Variants in ATAD2 observed in about 807,000 individuals in gnomAD.
ATAD2 encodes ATPase family AAA domain containing 2, also known as ATPase family AAA domain-containing protein 2.
ATAD2 carries 62 observed loss-of-function variants against 168.9 expected under a neutral mutation model. The observed-to-expected ratio is 0.37, with a 90% CI of 0.30 to 0.45. The LOEUF is 0.45. Among genes scored for constraint, ATAD2 ranks in the 20% least tolerant of loss-of-function variants. The pLI, the probability that ATAD2 is intolerant of heterozygous loss-of-function variation, is 1.00. For missense variants in ATAD2, 1,419 were observed against 1,667.8 expected (o/e 0.85, Z 2.60); for synonymous variants, 613 against 571.6 (o/e 1.07, Z -1.03).
intron 13 of ATAD2, among the ~76,000 whole-genome samples, chr8:123,350,160 T>A (rs1174798653): frequency 6.6e-6 from 1 of 152,208 alleles, no homozygotes; most frequent in African/African-American, 2.4e-5. Context: ...TAACAGAATT[T>A]TCATTACATT....
rs1456201178 is a variant in ATAD2 at position 123,333,958 on chromosome 8, A to T, written c.3398T>A (p.Leu1133His). ...YHVMPKQNST[L>H]VGDKRSDPEQ... The stretch of plus-strand genomic sequence containing the variant: ...TGGGTCTGATCTTTTATCACCAACA[A>T]GAGTGGAATTTTGCTTTGGCATCAC... The change falls in exon 24 of 28, where the codon CTT becomes CAT. Residue 1133 changes from leucine (L) to histidine (H), a missense_variant. By Grantham distance (99) the Leu-to-His change is moderately conservative. Transcript: ENST00000287394. 2.5e-6 allele frequency: 4 copies of T among 1,614,174 alleles called. No individual in the cohort carries two copies. Among genetic ancestry groups the T allele is most frequent in the Non-Finnish European group, 3.4e-6 (4 of 1,180,008 alleles).
rs182524680 is a variant in ATAD2 at position 123,412,190 on chromosome 8, T to C, written c.-2282+4058A>G. ...AGACATCAGGAGCCTGGGTAACAGA[T>C]ATTGCAGAGACACTATATCAGCTCT... On this transcript the variant is annotated intron_variant, in intron 1 of 28. Transcript: ENST00000521903. Among the ~76,000 whole-genome samples the C allele has an allele frequency of 1.9e-3, 282 of 152,308 alleles. 1 individual carries two copies. Among genetic ancestry groups the C allele is most frequent in the Non-Finnish European group, 2.0e-3 (135 of 68,034 alleles).
At chr8:123,364,554 C>T (rs1828916504) in intron 8 of ATAD2, among the ~76,000 whole-genome samples, 3 of 152,068 alleles carry the variant, frequency 2.0e-5, no homozygotes, top group African/African-American at 2.4e-5. Flanking sequence ...AATCCAACAA[C>T]GTATCAAAAA....
chr8:123,337,025 C>A (rs891295117), intron 21 of ATAD2, among the ~76,000 whole-genome samples: 1 of 133,744 alleles, frequency 7.5e-6, no homozygotes, highest in African/African-American at 2.9e-5. Context: ...CCAGCCTGGG[C>A]AACAGAGTGA....
intron 2 of ATAD2, among the ~76,000 whole-genome samples, chr8:123,372,918 A>C (rs977024270): frequency 2.2e-5 from 3 of 137,366 alleles, no homozygotes; most frequent in Non-Finnish European, 3.1e-5. Context: ...TTTGAGACGG[A>C]GTCTTGCTCT....
At chr8:123,372,709 A>T in intron 2 of ATAD2, 23 bp from the exon 3 acceptor site, 1 of 1,520,128 alleles carries the variant, frequency 6.6e-7, no homozygotes, top group Non-Finnish European at 8.9e-7. Flanking sequence ...AAATTAGATT[A>T]ATTCAAAATA....
intron 1 of ATAD2, among the ~76,000 whole-genome samples, chr8:123,390,223 C>G (rs1375189422): frequency 6.6e-6 from 1 of 151,860 alleles, no homozygotes; most frequent in Non-Finnish European, 1.5e-5. Context: ...CGGTGATATG[C>G]CTGCCTCGGC....
In ATAD2 at chr8:123,379,890, A is replaced by ATT. The variant is rs71895855; in HGVS notation, c.320+637_320+638dup. 7.6e-4 allele frequency among the ~76,000 whole-genome samples: 98 copies of ATT among 129,140 alleles called. 2 individuals carry two copies. The highest frequency in any genetic ancestry group is 1.5e-3 in the East Asian group (7 of 4,526). 84.7% of individuals were successfully genotyped at this position (129,140 alleles called of 152,430 possible). A position where few individuals can be genotyped will look rare whatever the true frequency, so the allele number is the denominator to read the frequency against. ...GCCACGTATTATTATTATTATTATTATTTTTTTTTTTTTGAGACTGAGTTT... is the reference window on the plus strand; with the variant it reads ...GCCACGTATTATTATTATTATTATTATTTTTTTTTTTTTTTGAGACTGAGTTT... On this transcript the variant is annotated intron_variant, in intron 2 of 27. Transcript: ENST00000287394.
At chr8:123,322,441 G>T (rs1225824874) in intron 27 of ATAD2, among the ~76,000 whole-genome samples, 1 of 152,192 alleles carries the variant, frequency 6.6e-6, no homozygotes, top group African/African-American at 2.4e-5. Flanking sequence ...GGCTGAAGTG[G>T]CTGGATGGCT....
At chr8:123,413,990 AG>A (rs1363021785) in intron 1 of ATAD2, among the ~76,000 whole-genome samples, 1 of 151,200 alleles carries the variant, frequency 6.6e-6, no homozygotes, top group Non-Finnish European at 1.5e-5. Context: ...CACCTCCACA[AG>A]AAAATACACA....
chr8:123,327,196 G>A (rs1045639901), intron 25 of ATAD2, among the ~76,000 whole-genome samples: 2 of 152,134 alleles, frequency 1.3e-5, no homozygotes, highest in African/African-American at 2.4e-5. Context: ...GAGCCACCAC[G>A]CCTGACCGTG....
chr8:123,371,163 A>C (rs186324689), intron 5 of ATAD2, 73 bp downstream of exon 5: 224 of 1,257,366 alleles, frequency 1.8e-4, no homozygotes, highest in Admixed American at 4.0e-4. Context: ...ATATTTAATG[A>C]AAAATGGATT....
rs1381707464 is a variant in ATAD2, at chr8:123,336,252, G to A, written c.3211+121C>T. ...CATTTTTACCATTTGTAAAATGGTT[G>A]TTGTGAGGATTAAATAGTATTTTGA... On this transcript the variant is annotated intron_variant, in intron 22 of 27. Transcript: ENST00000287394. 6 of 862,552 alleles carry A rather than the reference G, an allele frequency of 7.0e-6. No homozygotes were observed. The East Asian group carries it at 9.7e-5, about 14-fold the overall frequency. 53.4% of individuals were successfully genotyped at this position (862,552 alleles called of 1,614,324 possible).
intron 6 of ATAD2, 135 bp downstream of exon 6, chr8:123,370,768 C>T (rs1027924096): frequency 1.6e-6 from 1 of 635,184 alleles, no homozygotes; most frequent in African/African-American, 1.9e-5. Context: ...CCTTTCCCCA[C>T]TTTTAAGTTA....
rs567347996 is a variant in ATAD2, at chr8:123,359,497, C to A, written c.1266+80G>T. 6.9e-5 allele frequency: 95 copies of A among 1,376,142 alleles called. 1 individual carries two copies. The East Asian group carries it at 1.8e-3, about 25-fold the overall frequency. 85.2% of individuals were successfully genotyped at this position (1,376,142 alleles called of 1,614,324 possible). A position where few individuals can be genotyped will look rare whatever the true frequency, so the allele number is the denominator to read the frequency against. On this transcript the variant is annotated intron_variant, in intron 10 of 27. Transcript: ENST00000287394. Reference sequence around the variant, plus strand: ...TAGAGTTTTGACTAAAAAGAAAAATCATTGGTTCCTTTTTTTAACTTTAAA... The same window carrying A: ...TAGAGTTTTGACTAAAAAGAAAAATAATTGGTTCCTTTTTTTAACTTTAAA...
At chr8:123,388,333 G>C (rs1004847278) in intron 1 of ATAD2, among the ~76,000 whole-genome samples, 2 of 152,102 alleles carry the variant, frequency 1.3e-5, no homozygotes, top group African/African-American at 4.8e-5. Context: ...GTAGTAGCTG[G>C]GGCTACAGGC....
intron 1 of ATAD2, among the ~76,000 whole-genome samples, chr8:123,392,953 G>A (rs1812655474): frequency 6.6e-6 from 1 of 152,158 alleles, no homozygotes; most frequent in African/African-American, 2.4e-5. Flanking sequence ...GGGAGGCCGA[G>A]GAGGGCGGAT....
At chr8:123,405,530 C>T (rs1813057691) in intron 1 of ATAD2, among the ~76,000 whole-genome samples, 1 of 152,116 alleles carries the variant, frequency 6.6e-6, no homozygotes, top group Admixed American at 6.6e-5. Context: ...TTCCGAAGTG[C>T]TGGGATTACA....
At chr8:123,328,620 C>A in intron 24 of ATAD2, 41 bp from the exon 25 acceptor site, 2 of 1,488,404 alleles carry the variant, frequency 1.3e-6, no homozygotes, top group Middle Eastern at 1.8e-4. Flanking sequence ...GAACATTCAA[C>A]CATTTTCTGA....
Sources: gnomAD v4.1 joint callset for allele counts (sites outside exome capture counted in the v4.1 genomes callset) on GRCh38, gnomAD v4.1.1 for gene constraint, MANE v1.5 for transcripts, NCBI Gene and HGNC (gene_info 2026-07-23, HGNC 2026-07-21) for gene names.